STRIP2: variants seen among roughly 807,000 people sequenced by gnomAD.
STRIP2 encodes striatin-interacting protein 2.
STRIP2 carries 84 observed loss-of-function variants against 107.1 expected under a neutral mutation model. The ratio of observed to expected loss-of-function variants is 0.78; its 90% CI spans 0.66 to 0.94. The LOEUF is 0.94. Among genes scored for constraint, STRIP2 ranks in the 40% least tolerant of loss-of-function variants. The pLI, the probability that STRIP2 is intolerant of heterozygous loss-of-function variation, is 0.00. For synonymous variants in STRIP2, 394 were observed against 400.4 expected (o/e 0.98, Z 0.19); for missense variants, 888 against 1,034.2 (o/e 0.86, Z 1.94).
Position 129,458,701 on chromosome 7 carries a change from C to T in STRIP2, c.1275-11C>T, listed in dbSNP as rs1350254809. ...CCTTCTCTGGGATTGGTCTTTCCAC[C>T]ATCCTCTCAGACAGAAGGACATTGA... On this transcript the variant is annotated splice_polypyrimidine_tract_variant and intron_variant, in intron 10 of 20. Coordinates refer to ENST00000249344, the MANE Select transcript of STRIP2 (RefSeq NM_020704.3). The surrounding 1 kb of genome is among the most constrained non-coding windows in gnomAD (Gnocchi z 4.6). 2 of 1,614,092 alleles carry T rather than the reference C, an allele frequency of 1.2e-6. No individual in the cohort carries two copies.
chr7:129,436,917 A>G (rs534549886), intron 1 of STRIP2, among the ~76,000 whole-genome samples: 1 of 152,238 alleles, frequency 6.6e-6, no homozygotes, highest in Non-Finnish European at 1.5e-5. Context: ...TTAACCTAAT[A>G]AAAGGATTCA....
intron 19 of STRIP2, among the ~76,000 whole-genome samples, chr7:129,481,585 A>G (rs1212991463): frequency 1.3e-5 from 2 of 151,906 alleles, no homozygotes; most frequent in Non-Finnish European, 2.9e-5. Flanking sequence ...AAATGATGGT[A>G]TGTCCTTATA....
At chr7:129,479,491 CTTTT>C (rs10558221) in intron 18 of STRIP2, among the ~76,000 whole-genome samples, 6 of 136,338 alleles carry the variant, frequency 4.4e-5, no homozygotes, top group Admixed American at 3.0e-4. Flanking sequence ...AATAATGTTT[CTTTT>C]TTTTTTTTTT....
At chr7:129,437,938 T>TG (rs1797793489) in intron 1 of STRIP2, among the ~76,000 whole-genome samples, 1 of 152,002 alleles carries the variant, frequency 6.6e-6, no homozygotes, top group Admixed American at 6.6e-5. Flanking sequence ...CCCGAGTAGC[T>TG]GGGACTACAG....
In STRIP2 at chr7:129,458,320, G is replaced by A; in HGVS notation, c.1144G>A (p.Glu382Lys). Residue 382 changes from glutamate (E) to lysine (K), a missense_variant, in exon 10 of 21, where the codon GAA (glutamate) becomes AAA (lysine). Transcript: ENST00000249344. The surrounding 1 kb of genome is among the most constrained non-coding windows in gnomAD (Gnocchi z 4.6). ...GGAAGAGGAGTCTGCTGGTGATGGA[G>A]AACGAACCTTGGATGGAGAGCTAGA... The part of the protein sequence containing the change: ...EEEEESAGDG[E>K]RTLDGELDLL... 1 of 1,614,232 alleles carries A rather than the reference G, an allele frequency of 6.2e-7. No individual in the cohort carries two copies. Among genetic ancestry groups the A allele is most frequent in the South Asian group, 1.1e-5 (1 of 91,080 alleles).
At position 129,455,239 on chromosome 7, in the gene STRIP2, C is replaced by T; in HGVS notation, c.707-5C>T. The T allele has an allele frequency of 6.2e-7, 1 of 1,612,242 alleles. No individual in the cohort carries two copies. The highest frequency in any genetic ancestry group is 8.5e-7 in the Non-Finnish European group (1 of 1,179,260). On this transcript the variant is annotated splice_polypyrimidine_tract_variant and splice_region_variant and intron_variant, in intron 7 of 20. Transcript: ENST00000249344. ...TTTCTCACTCCCCTCTCTCCTCACC[C>T]CTAGGCTTCTCCATGCATAATGAGG...
In STRIP2 at chr7:129,451,709, G is replaced by A. The variant is rs755158755; in HGVS notation, c.371G>A (p.Arg124Gln). Residue 124 changes from arginine to glutamine, a missense_variant, in exon 4 of 21, where the codon CGG becomes CAG. Coordinates refer to ENST00000249344, the MANE Select transcript of STRIP2 (RefSeq NM_020704.3). Reference protein sequence around the residue: ...DRLEVVSRERRLKVARAVLYL... With the variant: ...DRLEVVSRERQLKVARAVLYL... ...CTAGAGGTGGTCAGTAGGGAACGGC[G>A]GCTGAAGGTGGCCCGGGCTGTTCTC... 13 of 1,613,882 alleles carry A rather than the reference G, an allele frequency of 8.1e-6. No individual in the cohort carries two copies. The highest frequency in any genetic ancestry group is 2.2e-5 in the East Asian group (1 of 44,894).
rs1797709321 is a variant in STRIP2 at position 129,435,439 on chromosome 7, G to A, written c.129+838G>A. On this transcript the variant is annotated intron_variant, in intron 1 of 20. Coordinates refer to ENST00000249344, the MANE Select transcript of STRIP2 (RefSeq NM_020704.3). ...GTGGCAGGGTCTGCAGATATCATCT[G>A]GTATAACCCTTTCATTTTACAGACC... Among the ~76,000 whole-genome samples, 4 of 152,246 alleles carry A rather than the reference G, an allele frequency of 2.6e-5. No homozygotes were observed. The South Asian group carries it at 8.3e-4, about 32-fold the overall frequency.
intron 4 of STRIP2, among the ~76,000 whole-genome samples, chr7:129,452,359 T>A (rs1308006413): frequency 6.6e-6 from 1 of 151,990 alleles, no homozygotes. Flanking sequence ...ATATAAGGCG[T>A]GTTAACAGAA....
chr7:129,467,625 C>A (rs1376100578), intron 17 of STRIP2, among the ~76,000 whole-genome samples, 175 bp downstream of exon 17: 1 of 152,046 alleles, frequency 6.6e-6, no homozygotes, highest in Non-Finnish European at 1.5e-5. Flanking sequence ...AGTTTTACTT[C>A]TTTAGGGAAG....
intron 13 of STRIP2, among the ~76,000 whole-genome samples, chr7:129,462,150 T>A (rs1798555715): frequency 6.6e-6 from 1 of 152,166 alleles, no homozygotes; most frequent in South Asian, 2.1e-4. Context: ...AGAGAGAAGA[T>A]GGTATGAAAT....
At chr7:129,480,398 T>A (rs1799086940) in intron 18 of STRIP2, among the ~76,000 whole-genome samples, 1 of 152,202 alleles carries the variant, frequency 6.6e-6, no homozygotes, top group African/African-American at 2.4e-5. Flanking sequence ...GTTTAAAATC[T>A]ACCAGAATTA....
chr7:129,442,225 AAATAAT>A (rs1057352891), intron 2 of STRIP2, among the ~76,000 whole-genome samples: 38 of 152,096 alleles, frequency 2.5e-4, no homozygotes, highest in African/African-American at 8.7e-4. Flanking sequence ...ACTCCATCTC[AAATAAT>A]AATAATAATA....
intron 18 of STRIP2, among the ~76,000 whole-genome samples, chr7:129,479,006 G>C (rs1799046346): frequency 1.3e-5 from 2 of 152,130 alleles, no homozygotes; most frequent in Admixed American, 6.5e-5. Context: ...CGGGCGCGGT[G>C]GCTCATGCCT....
intron 3 of STRIP2, among the ~76,000 whole-genome samples, chr7:129,448,245 C>G (rs1228038671): frequency 6.6e-6 from 1 of 152,138 alleles, no homozygotes; most frequent in African/African-American, 2.4e-5. Flanking sequence ...AACTGGAGGA[C>G]CACAATGACA....
intron 17 of STRIP2, 85 bp downstream of exon 17, chr7:129,467,535 C>G: frequency 1.1e-6 from 1 of 914,648 alleles, no homozygotes; most frequent in Non-Finnish European, 1.7e-6. Context: ...TTCAGTTTTC[C>G]TGGTGTCCCT....
chr7:129,440,397 A>G (rs1797866342), intron 2 of STRIP2, among the ~76,000 whole-genome samples: 1 of 151,682 alleles, frequency 6.6e-6, no homozygotes, highest in African/African-American at 2.4e-5. Context: ...TTTTCTCTCC[A>G]TCTTCTCCAT....
At chr7:129,475,574 AT>A (rs1272392374) in intron 18 of STRIP2, among the ~76,000 whole-genome samples, 5 of 42,444 alleles carry the variant, frequency 1.2e-4, no homozygotes, top group South Asian at 9.4e-4. Context: ...TTTTCTTTTT[AT>A]TTTTTTTTAT....
chr7:129,480,779 C>T lies in STRIP2; in HGVS notation c.1945-6C>T. 1 of 1,610,048 alleles carries T rather than the reference C, an allele frequency of 6.2e-7. No individual in the cohort carries two copies. Among genetic ancestry groups the T allele is most frequent in the Non-Finnish European group, 8.5e-7 (1 of 1,177,636 alleles). On this transcript the variant is annotated splice_region_variant and splice_polypyrimidine_tract_variant and intron_variant, in intron 18 of 20. Transcript: ENST00000249344. ...TTAAGATAATGATGGATGTTCCCTA[C>T]TATAGGAAGCTGGAGACAACAGCCA... is the stretch of plus-strand genomic sequence containing the variant.
Sources: allele counts gnomAD v4.1 joint callset (sites outside exome capture counted in the v4.1 genomes callset), GRCh38; gene constraint gnomAD v4.1.1; non-coding constraint Gnocchi (gnomAD v3.1); transcripts MANE v1.5; gene names NCBI Gene and HGNC (gene_info 2026-07-23, HGNC 2026-07-21).